The following ERC2 variants were observed in gnomAD, a reference collection of about 807,000 sequenced individuals.
The protein encoded by ERC2 is ERC protein 2.
In ERC2, 42 loss-of-function variants were observed where a neutral mutation model predicts 114.8. The ratio of observed to expected loss-of-function variants is 0.37; its 90% CI spans 0.29 to 0.47. ERC2 has a LOEUF of 0.47. Ranked by LOEUF, ERC2 falls within the 20% of genes least tolerant of loss-of-function variation. The pLI, the probability that ERC2 is intolerant of heterozygous loss-of-function variation, is 0.99. For synonymous variants in ERC2, 454 were observed against 425.5 expected (o/e 1.07, Z -0.82); for missense variants, 939 against 1,150.7 (o/e 0.82, Z 2.66).
chr3:56,032,913 A>AGAGAC (rs1560056241), intron 7 of ERC2, among the ~76,000 whole-genome samples: 1 of 68,638 alleles, frequency 1.5e-5, no homozygotes, highest in Non-Finnish European at 3.3e-5. Context: ...GAAAGAAAGA[A>AGAGAC]AGAAAGAAAG....
At chr3:56,218,251 G>T (rs1384128650) in intron 3 of ERC2, among the ~76,000 whole-genome samples, 1 of 152,052 alleles carries the variant, frequency 6.6e-6, no homozygotes, top group Non-Finnish European at 1.5e-5. Flanking sequence ...CTGACAAAGG[G>T]CTAATATCCA....
intron 2 of ERC2, among the ~76,000 whole-genome samples, chr3:56,298,312 T>C (rs2055591246): frequency 2.6e-5 from 4 of 152,244 alleles, no homozygotes; most frequent in Admixed American, 6.5e-5. Context: ...GGTTTATCCA[T>C]GTGGTAGTGT....
At chr3:55,531,177 C>G (rs548931877) in intron 17 of ERC2, among the ~76,000 whole-genome samples, 2 of 152,152 alleles carry the variant, frequency 1.3e-5, no homozygotes, top group Non-Finnish European at 2.9e-5. Flanking sequence ...GAATGATCCA[C>G]TCTAGGGGCC....
intron 13 of ERC2, among the ~76,000 whole-genome samples, chr3:55,919,956 C>A (rs1158420242): frequency 6.6e-6 from 1 of 151,992 alleles, no homozygotes; most frequent in Non-Finnish European, 1.5e-5. Flanking sequence ...AAGTATGAAG[C>A]CATTTATGTT....
chr3:55,573,384 C>T (rs944294946), intron 17 of ERC2, among the ~76,000 whole-genome samples: 1 of 152,114 alleles, frequency 6.6e-6, no homozygotes, highest in Non-Finnish European at 1.5e-5. Context: ...GTTAGCCAGC[C>T]ATTTGATTGT....
intron 17 of ERC2, among the ~76,000 whole-genome samples, chr3:55,663,349 G>A (rs901668049): frequency 2.0e-5 from 3 of 152,362 alleles, no homozygotes; most frequent in East Asian, 3.9e-4. Flanking sequence ...GGAACTTGCT[G>A]TCTGCAGCGC....
intron 2 of ERC2, among the ~76,000 whole-genome samples, chr3:56,427,389 G>A (rs992269290): frequency 6.6e-6 from 1 of 152,250 alleles, no homozygotes; most frequent in African/African-American, 2.4e-5. Flanking sequence ...GCCTCCCAAA[G>A]TATTGGGATT....
intron 15 of ERC2, among the ~76,000 whole-genome samples, chr3:55,734,432 C>A (rs1278190195): frequency 1.3e-5 from 2 of 151,962 alleles, no homozygotes; most frequent in East Asian, 3.9e-4. Context: ...AGAATTTTGC[C>A]CAGAATTTAA....
chr3:55,902,562 G>A (rs558486834), intron 13 of ERC2, among the ~76,000 whole-genome samples: 46 of 152,282 alleles, frequency 3.0e-4, no homozygotes, highest in African/African-American at 9.9e-4. Context: ...GAACTTAGCT[G>A]CATTTTAAAG....
chr3:55,934,843 A>G (rs964752445), intron 13 of ERC2, among the ~76,000 whole-genome samples: 3 of 152,236 alleles, frequency 2.0e-5, no homozygotes, highest in African/African-American at 7.2e-5. Context: ...GAAAAGTTCA[A>G]AACCCAATCA....
At chr3:55,889,167 G>C (rs986143026) in intron 13 of ERC2, among the ~76,000 whole-genome samples, 2 of 152,166 alleles carry the variant, frequency 1.3e-5, no homozygotes, top group African/African-American at 4.8e-5. Flanking sequence ...ATATACTTTT[G>C]TGTGTAGGCC....
intron 17 of ERC2, among the ~76,000 whole-genome samples, chr3:55,565,761 C>T (rs1417284977): frequency 6.6e-6 from 1 of 152,228 alleles, no homozygotes; most frequent in African/African-American, 2.4e-5. Flanking sequence ...TCATTTGTCA[C>T]TCAAAGGCTT....
At chr3:55,613,973 A>T in intron 17 of ERC2, among the ~76,000 whole-genome samples, 1 of 108,714 alleles carries the variant, frequency 9.2e-6, no homozygotes, top group Admixed American at 1.3e-4. Context: ...ACAGAGTGAG[A>T]CTTCCTCTCA....
chr3:56,012,541 A>G (rs1028044548), intron 8 of ERC2, among the ~76,000 whole-genome samples: 1 of 152,182 alleles, frequency 6.6e-6, no homozygotes, highest in Non-Finnish European at 1.5e-5. Flanking sequence ...AGGAAGGAGA[A>G]CTCAATTAGG....
chr3:56,428,534 A>G (rs1215391877), intron 2 of ERC2, among the ~76,000 whole-genome samples: 1 of 82,534 alleles, frequency 1.2e-5, no homozygotes, highest in Admixed American at 1.8e-4. Context: ...AAAAGAAAGA[A>G]GGCAGAAAGG....
intron 14 of ERC2, among the ~76,000 whole-genome samples, chr3:55,874,284 G>A (rs571901041): frequency 2.0e-5 from 3 of 152,268 alleles, no homozygotes; most frequent in East Asian, 1.9e-4. Flanking sequence ...AGAATAAGGC[G>A]GGGAGGCTTT....
In ERC2 at chr3:55,980,309, G is replaced by A. The variant is rs147144900; in HGVS notation, c.2267+5668C>T. On this transcript the variant is annotated intron_variant, in intron 12 of 17. Transcript: ENST00000288221. ...AAAATGTCGAAAGCATTTGTTATAC[G>A]TAACAACAATGTATTTTCCTCAGAC... is the stretch of plus-strand genomic sequence containing the variant. Among the ~76,000 whole-genome samples, 23 of 152,036 alleles carry A rather than the reference G, an allele frequency of 1.5e-4. No homozygotes were observed. In the East Asian group the frequency reaches 3.5e-3, roughly 23 times the overall value.
At chr3:55,857,058 T>G (rs1014408490) in intron 14 of ERC2, among the ~76,000 whole-genome samples, 28 of 148,310 alleles carry the variant, frequency 1.9e-4, no homozygotes, top group Non-Finnish European at 2.5e-4. Flanking sequence ...AGTATTTTTT[T>G]GGGGGTGGGG....
At chr3:56,340,696 C>T (rs2058055901) in intron 2 of ERC2, among the ~76,000 whole-genome samples, 2 of 152,126 alleles carry the variant, frequency 1.3e-5, no homozygotes, top group Admixed American at 1.3e-4. Flanking sequence ...GCACCAAACT[C>T]GTGCCCTGAG....
Sources: allele counts gnomAD v4.1 joint callset (sites outside exome capture counted in the v4.1 genomes callset), GRCh38; gene constraint gnomAD v4.1.1; transcripts MANE v1.5; gene names NCBI Gene and HGNC (gene_info 2026-07-23, HGNC 2026-07-21).